The following VWCE variants were observed in gnomAD, a reference collection of about 807,000 sequenced individuals.
VWCE encodes the protein von Willebrand factor C and EGF domains.
In VWCE, 68 loss-of-function variants were observed where a neutral mutation model predicts 102.9. The observed-to-expected ratio is 0.66, with a 90% CI of 0.54 to 0.81. The LOEUF is 0.81. Ranked by LOEUF, VWCE falls within the 30% of genes least tolerant of loss-of-function variation. The pLI, the probability that VWCE is intolerant of heterozygous loss-of-function variation, is 0.00. For missense variants in VWCE, 1,137 were observed against 1,263.6 expected, an observed-to-expected ratio of 0.90 and a Z score of 1.52; for synonymous variants, 497 against 515.4, an observed-to-expected ratio of 0.96 and a Z score of 0.48.
In VWCE at chr11:61,264,479, C is replaced by G. The variant is rs1167828778; in HGVS notation, c.2230+8G>C. On this transcript the variant is annotated splice_region_variant and intron_variant, in intron 19 of 19. Transcript: ENST00000335613. ...CGGAGAAACTCCAGGACCCAGAGAC[C>G]CACTTACCTGGACAGGAAGAGCAGC... The G allele has an allele frequency of 2.5e-6, 4 of 1,612,750 alleles. No individual in the cohort carries two copies. In the South Asian group the frequency reaches 4.4e-5, roughly 18 times the overall value.
intron 16 of VWCE, 79 bp from the exon 17 acceptor site, chr11:61,265,291 C>T: frequency 8.0e-7 from 1 of 1,247,860 alleles, no homozygotes; most frequent in Non-Finnish European, 1.1e-6. Flanking sequence ...GCTCCTATAG[C>T]CACTGAGTGT....
At position 61,278,455 on chromosome 11, in the gene VWCE, A is replaced by T. The variant is rs149533440; in HGVS notation, c.1346T>A (p.Val449Asp). The change falls in exon 10 of 20, where the codon GTC becomes GAC. Residue 449 changes from valine to aspartate, a missense_variant. Physicochemically the swap from Val to Asp is radical, Grantham distance 152. Coordinates refer to ENST00000335613, the MANE Select transcript of VWCE (RefSeq NM_152718.2). ...TGAAAACACATCCCCTTCAGCTCGGACGACACCACTGTGAAAACAGCCTTT... is the reference window on the plus strand; with the variant it reads ...TGAAAACACATCCCCTTCAGCTCGGTCGACACCACTGTGAAAACAGCCTTT... The part of the protein sequence containing the change: ...SCTGCFHSGV[V>D]RAEGDVFSPP... 8.0e-5 allele frequency: 129 copies of T among 1,614,048 alleles called. 2 individuals are homozygous for T. The highest frequency in any genetic ancestry group is 1.6e-4 in the Middle Eastern group (1 of 6,084).
At chr11:61,284,613 T>C (rs115132565) in intron 5 of VWCE, among the ~76,000 whole-genome samples, 2,743 of 152,242 alleles carry the variant, frequency 0.018, 95 homozygotes, top group African/African-American at 0.062. Context: ...CATGAGGTCA[T>C]GAGGGTGTGC....
At position 61,270,983 on chromosome 11, in the gene VWCE, A is replaced by G. The variant is rs144385145; in HGVS notation, c.1785+692T>C. On this transcript the variant is annotated intron_variant, in intron 14 of 19. Coordinates refer to ENST00000335613, the MANE Select transcript of VWCE (RefSeq NM_152718.2). Reference sequence around the variant, plus strand: ...CTTAGCCTCCCAAGTAGCTGGGACCACAGGGGCATGTCACTACATGCAGCT... The same window carrying G: ...CTTAGCCTCCCAAGTAGCTGGGACCGCAGGGGCATGTCACTACATGCAGCT... 5.2e-3 allele frequency among the ~76,000 whole-genome samples: 792 copies of G among 152,128 alleles called. 14 individuals are homozygous for G. Among genetic ancestry groups the G allele is most frequent in the African/African-American group, 0.018 (731 of 41,504 alleles).
chr11:61,281,886 C>T lies in VWCE; in HGVS notation c.687G>A (p.Glu229=), dbSNP rs146063893. ...GGCAGGAATGGTGACAGACTCGCCT[C>T]TCCAATGGCCTCCGACACTCGTTTA... is the stretch of plus-strand genomic sequence containing the variant. The part of the protein sequence containing the change: ...VDVNECRRPL[E]RRVCHHSCHN... Residue 229 remains glutamate, a synonymous_variant, in exon 7 of 20, where the codon GAG becomes GAA. Coordinates refer to ENST00000335613, the MANE Select transcript of VWCE (RefSeq NM_152718.2). The T allele has an allele frequency of 3.7e-5, 59 of 1,613,866 alleles. No homozygotes were observed. The African/African-American group carries it at 7.6e-4, about 21-fold the overall frequency.
chr11:61,271,525 A>G (rs1854699293), intron 14 of VWCE, 150 bp downstream of exon 14: 2 of 690,906 alleles, frequency 2.9e-6, no homozygotes, highest in Admixed American at 4.7e-5. Context: ...ACTCGGTCCA[A>G]CCCTTTTTGT....
Position 61,281,057 on chromosome 11 carries a change from G to T in VWCE, c.966C>A (p.Thr322=). Residue 322 remains threonine, a synonymous_variant, in exon 8 of 20, where the codon ACC becomes ACA. Coordinates refer to ENST00000335613, the MANE Select transcript of VWCE (RefSeq NM_152718.2). ...GVRTTRLPSP[T]PRLPTSSPSA... The stretch of plus-strand genomic sequence containing the variant: ...AAGGGGAGGATGTGGGTAGTCGTGG[G>T]GTGGGAGATGGCAGGCGGGTGGTCC... The T allele has an allele frequency of 6.3e-7, 1 of 1,599,384 alleles. No individual in the cohort carries two copies. Among genetic ancestry groups the T allele is most frequent in the Admixed American group, 1.7e-5 (1 of 58,558 alleles).
intron 6 of VWCE, among the ~76,000 whole-genome samples, chr11:61,282,304 C>T (rs1176419332): frequency 6.6e-6 from 1 of 152,172 alleles, no homozygotes; most frequent in African/African-American, 2.4e-5. Flanking sequence ...GGGACAAATA[C>T]CTAACTCCGC....
Position 61,265,098 on chromosome 11 carries a change from C to T in VWCE, c.2056+24G>A, listed in dbSNP as rs148541970. 1.2e-4 allele frequency: 197 copies of T among 1,613,122 alleles called. No individual in the cohort carries two copies. In the East Asian group the frequency reaches 4.1e-3, roughly 34 times the overall value. ...CCGAGGCCTGGCCGGGAACCTGGCA[C>T]GTGGGGCAGCTGGTCCCACTCACCT... is the stretch of plus-strand genomic sequence containing the variant. On this transcript the variant is annotated intron_variant, in intron 17 of 19. Transcript: ENST00000335613.
chr11:61,264,182 C>T (rs1046916915), intron 19 of VWCE, among the ~76,000 whole-genome samples: 3 of 134,750 alleles, frequency 2.2e-5, no homozygotes, highest in South Asian at 2.3e-4. Flanking sequence ...GGTGAGATAG[C>T]GCCATTGCAC....
At chr11:61,260,513 G>A (rs1201662005) in intron 19 of VWCE, among the ~76,000 whole-genome samples, 1 of 152,014 alleles carries the variant, frequency 6.6e-6, no homozygotes, top group African/African-American at 2.4e-5. Context: ...ACCCAGGCTG[G>A]TCTCAAACTC....
At chr11:61,274,131 A>T (rs773482300) in intron 12 of VWCE, among the ~76,000 whole-genome samples, 6 of 152,010 alleles carry the variant, frequency 3.9e-5, no homozygotes, top group Non-Finnish European at 5.9e-5. Flanking sequence ...TCCCCACCTG[A>T]TGAGTCCCTA....
In VWCE at chr11:61,288,029, G is replaced by A. The variant is rs1315919856; in HGVS notation, c.425-1599C>T. On this transcript the variant is annotated intron_variant, in intron 4 of 19. Transcript: ENST00000335613. The stretch of plus-strand genomic sequence containing the variant: ...AAAAATTAGCTGGGCATGCTGGCAC[G>A]TGCCTGTAATCCCAGCTACTTGGGA... Among the ~76,000 whole-genome samples the A allele has an allele frequency of 9.2e-5, 14 of 151,614 alleles. No homozygotes were observed. In the East Asian group the frequency reaches 1.9e-3, roughly 21 times the overall value.
At chr11:61,278,070 A>C (rs572128067) in intron 10 of VWCE, among the ~76,000 whole-genome samples, 1 of 152,270 alleles carries the variant, frequency 6.6e-6, no homozygotes, top group African/African-American at 2.4e-5. Flanking sequence ...GTGCTGGCAA[A>C]TATTTTGCCT....
At chr11:61,286,255 G>T in intron 5 of VWCE, 59 bp downstream of exon 5, 1 of 1,515,764 alleles carries the variant, frequency 6.6e-7, no homozygotes, top group Non-Finnish European at 9.1e-7. Flanking sequence ...AGGGCTGAGT[G>T]TTCAATGTGG....
At position 61,264,553 on chromosome 11, in the gene VWCE, C is replaced by G. The variant is rs1381393436; in HGVS notation, c.2164G>C (p.Val722Leu). ...TCGGCACAGGCCCGCTGGCAGGGAACCTTCTCACAGCTCACCTCTCCCAGC... is the reference window on the plus strand; with the variant it reads ...TCGGCACAGGCCCGCTGGCAGGGAAGCTTCTCACAGCTCACCTCTCCCAGC... ...CQLGEVSCEK[V>L]PCQRACADPA... is the part of the protein sequence containing the mutation. The change falls in exon 19 of 20, where the codon GTT (valine) becomes CTT (leucine). Residue 722 changes from valine to leucine, a missense_variant. By Grantham distance (32) the Val-to-Leu change is conservative (BLOSUM62 1). This residue lies in a region of VWCE where 316 missense variants were observed against 319.3 expected (regional missense o/e 0.99). Transcript: ENST00000335613. 2 of 1,612,052 alleles carry G rather than the reference C, an allele frequency of 1.2e-6. No homozygotes were observed. The highest frequency in any genetic ancestry group is 2.7e-5 in the African/African-American group (2 of 75,050).
intron 13 of VWCE, among the ~76,000 whole-genome samples, chr11:61,272,157 C>T (rs1029157013): frequency 1.3e-5 from 2 of 151,318 alleles, no homozygotes; most frequent in Non-Finnish European, 2.9e-5. Flanking sequence ...TGCACATTTA[C>T]ATACACACAC....
chr11:61,276,812 C>G (rs1184012231), intron 10 of VWCE, 132 bp from the exon 11 acceptor site: 20 of 378,532 alleles, frequency 5.3e-5, no homozygotes, highest in Middle Eastern at 8.1e-4. Flanking sequence ...GGCTGCACCC[C>G]AGCCTGGGCA....
intron 1 of VWCE, among the ~76,000 whole-genome samples, chr11:61,292,967 C>T (rs1447483709): frequency 2.6e-5 from 4 of 151,824 alleles, no homozygotes; most frequent in African/African-American, 9.7e-5. Flanking sequence ...ACAGGCCGGG[C>T]GCGGTGGCTC....
Sources: gnomAD v4.1 joint callset for allele counts (sites outside exome capture counted in the v4.1 genomes callset) on GRCh38, gnomAD v4.1.1 for gene constraint, gnomAD v4.1.1 regional missense constraint, MANE v1.5 for transcripts, NCBI Gene and HGNC (gene_info 2026-07-23, HGNC 2026-07-21) for gene names.